WDPCP: variants seen among roughly 807,000 people sequenced by gnomAD.
WDPCP encodes the protein WD repeat-containing and planar cell polarity effector protein fritz homolog.
WDPCP carries 71 observed loss-of-function variants against 93.1 expected under a neutral mutation model. The observed-to-expected ratio is 0.76, with a 90% confidence interval of 0.63 to 0.93. The LOEUF is 0.93. Ranked by LOEUF, WDPCP falls within the 40% of genes least tolerant of loss-of-function variation. WDPCP has a pLI of 0.00. For synonymous variants in WDPCP, 315 were observed against 315.0 expected (o/e 1.00, Z 0.00); for missense variants, 844 against 887.4 (o/e 0.95, Z 0.62).
chr2:63,334,389 CAT>C (rs2104377821), intron 12 of WDPCP, among the ~76,000 whole-genome samples: 1 of 152,232 alleles, frequency 6.6e-6, no homozygotes, highest in East Asian at 1.9e-4. Flanking sequence ...TTTAGGGAGA[CAT>C]GTGACATCAA....
chr2:63,589,680 T>G (rs1199132645), upstream of WDPCP, among the ~76,000 whole-genome samples: 1 of 152,208 alleles, frequency 6.6e-6, no homozygotes, highest in Non-Finnish European at 1.5e-5. Context: ...GAACTGTATA[T>G]TGTGAATTCC....
At chr2:63,597,860 A>G (rs776378757) in intron 3 of WDPCP, 8 of 203,758 alleles carry the variant, frequency 3.9e-5, no homozygotes, top group Admixed American at 1.8e-4. Flanking sequence ...CTTCTGGTGC[A>G]TTTTTGCTGC....
chr2:63,299,050 G>A (rs998626153), intron 13 of WDPCP, among the ~76,000 whole-genome samples: 1 of 152,128 alleles, frequency 6.6e-6, no homozygotes, highest in African/African-American at 2.4e-5. Context: ...GATGCAATGT[G>A]GGCATCCACA....
At chr2:63,389,914 C>A (rs1372245507) in intron 10 of WDPCP, among the ~76,000 whole-genome samples, 1 of 152,130 alleles carries the variant, frequency 6.6e-6, no homozygotes, top group Non-Finnish European at 1.5e-5. Context: ...TAGAGACCTA[C>A]AAAGAGACTT....
intron 14 of WDPCP, among the ~76,000 whole-genome samples, chr2:63,212,327 A>G (rs985173926): frequency 1.3e-5 from 2 of 152,204 alleles, no homozygotes; most frequent in African/African-American, 2.4e-5. Flanking sequence ...ATTCTTAAAG[A>G]AAAGAATTTT....
At chr2:63,317,084 T>G (rs1686699216) in intron 12 of WDPCP, among the ~76,000 whole-genome samples, 1 of 152,148 alleles carries the variant, frequency 6.6e-6, no homozygotes, top group Non-Finnish European at 1.5e-5. Flanking sequence ...TGCTCATGGA[T>G]AATAAGAATC....
intron 14 of WDPCP, among the ~76,000 whole-genome samples, chr2:63,211,239 C>G (rs1045622340): frequency 2.0e-5 from 3 of 152,268 alleles, no homozygotes; most frequent in Non-Finnish European, 4.4e-5. Flanking sequence ...ATACAGCCGG[C>G]CAGGTGCCCC....
At chr2:63,484,110 G>A (rs980589510) in intron 6 of WDPCP, among the ~76,000 whole-genome samples, 1 of 151,896 alleles carries the variant, frequency 6.6e-6, no homozygotes, top group Non-Finnish European at 1.5e-5. Context: ...ATGACTAGTG[G>A]CTACCATAGT....
intron 10 of WDPCP, among the ~76,000 whole-genome samples, chr2:63,398,031 G>A (rs904396003): frequency 6.6e-6 from 1 of 152,130 alleles, no homozygotes; most frequent in Non-Finnish European, 1.5e-5. Flanking sequence ...GGAATGTTAT[G>A]GGATCCACAG....
At chr2:63,357,622 T>C (rs1163447448) in intron 12 of WDPCP, among the ~76,000 whole-genome samples, 1 of 152,016 alleles carries the variant, frequency 6.6e-6, no homozygotes, top group Non-Finnish European at 1.5e-5. Context: ...GCTGGCAAGG[T>C]TGCGGAGAAA....
chr2:63,439,348 C>T (rs1697347000), intron 7 of WDPCP, among the ~76,000 whole-genome samples: 1 of 152,002 alleles, frequency 6.6e-6, no homozygotes, highest in African/African-American at 2.4e-5. Flanking sequence ...AAAGAATCTT[C>T]CTATGAGAGC....
chr2:63,605,252 C>T, intron 3 of WDPCP: 2 of 1,460,786 alleles, frequency 1.4e-6, no homozygotes, highest in Non-Finnish European at 1.9e-6. Flanking sequence ...CCAAGTAATA[C>T]TGCTGCCTTC....
intron 14 of WDPCP, among the ~76,000 whole-genome samples, chr2:63,200,706 G>A (rs1190806176): frequency 6.6e-6 from 1 of 151,998 alleles, no homozygotes; most frequent in Non-Finnish European, 1.5e-5. Flanking sequence ...GATGTTTATT[G>A]GGTACAACAA....
chr2:63,816,901 T>C (rs1670940268), intron 1 of WDPCP, among the ~76,000 whole-genome samples: 1 of 152,188 alleles, frequency 6.6e-6, no homozygotes, highest in Non-Finnish European at 1.5e-5. Flanking sequence ...TTTATTTATA[T>C]GAAGTTCAAG....
At chr2:63,728,310 C>T (rs1341401005) in intron 2 of WDPCP, among the ~76,000 whole-genome samples, 1 of 152,146 alleles carries the variant, frequency 6.6e-6, no homozygotes, top group African/African-American at 2.4e-5. Flanking sequence ...CTGTATGGCT[C>T]CTATTCAAAG....
chr2:63,519,661 G>T (rs1702794562), intron 1 of WDPCP, among the ~76,000 whole-genome samples: 1 of 151,684 alleles, frequency 6.6e-6, no homozygotes, highest in African/African-American at 2.4e-5. Flanking sequence ...AAATTATCCA[G>T]AAGTCAACTG....
At chr2:63,528,058 CA>C (rs1703492704) in intron 1 of WDPCP, among the ~76,000 whole-genome samples, 2 of 151,298 alleles carry the variant, frequency 1.3e-5, no homozygotes, top group South Asian at 4.1e-4. Context: ...CCCCCTTTTT[CA>C]GGGGTTTATT....
intron 2 of WDPCP, among the ~76,000 whole-genome samples, chr2:63,709,600 A>C: frequency 6.6e-6 from 1 of 152,186 alleles, no homozygotes; most frequent in Non-Finnish European, 1.5e-5. Context: ...GCTAATTCCT[A>C]ATAATTCCTA....
intron 3 of WDPCP, among the ~76,000 whole-genome samples, chr2:63,614,029 A>G (rs747219584): frequency 7.2e-5 from 11 of 152,186 alleles, no homozygotes; most frequent in Non-Finnish European, 1.5e-4. Flanking sequence ...CTTTATTTAC[A>G]TAATATAAGA....
Sources: allele counts gnomAD v4.1 joint callset (sites outside exome capture counted in the v4.1 genomes callset), GRCh38; gene constraint gnomAD v4.1.1; transcripts MANE v1.5; gene names NCBI Gene and HGNC (gene_info 2026-07-23, HGNC 2026-07-21).